RAB6B: variants seen among roughly 807,000 people sequenced by gnomAD.
RAB6B encodes the protein ras-related protein Rab-6B.
RAB6B carries 7 observed loss-of-function variants against 31.2 expected under a neutral mutation model. The observed-to-expected ratio is 0.22, with a 90% CI of 0.13 to 0.42. The LOEUF is 0.42. Ranked by LOEUF, RAB6B falls within the 10% of genes least tolerant of loss-of-function variation. The pLI is 1.00. For missense variants in RAB6B, 149 were observed against 280.6 expected, an observed-to-expected ratio of 0.53 and a Z score of 3.35; for synonymous variants, 105 against 104.9, an observed-to-expected ratio of 1.00 and a Z score of -0.01.
intron 1 of RAB6B, among the ~76,000 whole-genome samples, chr3:133,887,247 A>G (rs761387603): frequency 1.1e-4 from 17 of 152,190 alleles, no homozygotes; most frequent in Non-Finnish European, 2.1e-4. Flanking sequence ...TCCTGGAAGC[A>G]GAAGTGCAGG....
chr3:133,895,533 G>A lies in RAB6B; in HGVS notation c.-67C>T. On this transcript the variant is annotated 5_prime_UTR_variant, in exon 1 of 8. Transcript: ENST00000285208. Reference sequence around the variant, plus strand: ...GCGAAGGAGCAGGGAGGGGAGAGTAGGAGGGCGAGGGGAGGCGGCCGGCGG... The same window carrying A: ...GCGAAGGAGCAGGGAGGGGAGAGTAAGAGGGCGAGGGGAGGCGGCCGGCGG... 3 of 1,535,834 alleles carry A rather than the reference G, an allele frequency of 2.0e-6. No homozygotes were observed. Among genetic ancestry groups the A allele is most frequent in the Non-Finnish European group, 2.7e-6 (3 of 1,116,780 alleles).
chr3:133,883,234 G>T (rs1440618871), intron 1 of RAB6B, among the ~76,000 whole-genome samples: 1 of 152,230 alleles, frequency 6.6e-6, no homozygotes, highest in East Asian at 1.9e-4. Flanking sequence ...AGTGCTGGCA[G>T]CACAGAGGCA....
intron 1 of RAB6B, among the ~76,000 whole-genome samples, chr3:133,886,847 C>T (rs1936554254): frequency 6.6e-6 from 1 of 152,214 alleles, no homozygotes; most frequent in Non-Finnish European, 1.5e-5. Flanking sequence ...TAATCACATG[C>T]CATGTATAGA....
chr3:133,883,666 A>ATG (rs1453125688), intron 1 of RAB6B, among the ~76,000 whole-genome samples: 1 of 152,166 alleles, frequency 6.6e-6, no homozygotes, highest in Non-Finnish European at 1.5e-5. Context: ...GAAACAAGAA[A>ATG]TGTGTTCTAA....
At chr3:133,865,856 G>T (rs1477099100) in intron 1 of RAB6B, among the ~76,000 whole-genome samples, 1 of 152,216 alleles carries the variant, frequency 6.6e-6, no homozygotes, top group Admixed American at 6.5e-5. Flanking sequence ...AGTGCACTCA[G>T]CTCCCAGCAG....
intron 1 of RAB6B, among the ~76,000 whole-genome samples, chr3:133,894,054 C>A (rs1283361583): frequency 1.3e-5 from 2 of 152,346 alleles, no homozygotes; most frequent in Admixed American, 1.3e-4. Flanking sequence ...TATCAGCAGA[C>A]AAGAGCCAGC....
At chr3:133,842,220 C>T (rs1935846773) in intron 2 of RAB6B, among the ~76,000 whole-genome samples, 1 of 152,194 alleles carries the variant, frequency 6.6e-6, no homozygotes. Flanking sequence ...CTGGGAGGCC[C>T]CACTGGCTCT....
chr3:133,868,600 A>G (rs1936274919), intron 1 of RAB6B, among the ~76,000 whole-genome samples: 1 of 152,282 alleles, frequency 6.6e-6, no homozygotes, highest in African/African-American at 2.4e-5. Flanking sequence ...TTTATTAAAA[A>G]TAAGCAGGCA....
chr3:133,883,586 T>G (rs763291664), intron 1 of RAB6B, among the ~76,000 whole-genome samples: 5 of 152,152 alleles, frequency 3.3e-5, no homozygotes, highest in African/African-American at 4.8e-5. Context: ...TCTATGGATC[T>G]CTCTTCCCCA....
chr3:133,893,368 C>T (rs541574798), intron 1 of RAB6B, among the ~76,000 whole-genome samples: 16 of 152,328 alleles, frequency 1.1e-4, no homozygotes, highest in African/African-American at 3.6e-4. Flanking sequence ...CTCCCTGTTC[C>T]CTGGGGCTCA....
In RAB6B at chr3:133,838,304, G is replaced by C. The variant is rs988786497; in HGVS notation, c.402-45C>G. On this transcript the variant is annotated intron_variant, in intron 5 of 7. Transcript: ENST00000285208. ...GGGAAATCAGCTCAGCAGAGAAGCA[G>C]ACCCTGGCAGATATGAGGAGGGACC... 3.8e-6 allele frequency: 6 copies of C among 1,563,402 alleles called. No homozygotes were observed. The African/African-American group carries it at 5.4e-5, about 14-fold the overall frequency.
At chr3:133,842,539 T>C (rs113924363) in intron 2 of RAB6B, among the ~76,000 whole-genome samples, 2,139 of 152,350 alleles carry the variant, frequency 0.014, 50 homozygotes, top group African/African-American at 0.049. Context: ...GTGTGGTATA[T>C]CCATGTGATT....
At chr3:133,833,444 T>C (rs1436291703) in intron 7 of RAB6B, among the ~76,000 whole-genome samples, 1 of 151,488 alleles carries the variant, frequency 6.6e-6, no homozygotes, top group Non-Finnish European at 1.5e-5. Flanking sequence ...CCCCGGGGGG[T>C]GGGTCTCGAG....
chr3:133,879,328 T>G (rs2108011550), intron 1 of RAB6B, among the ~76,000 whole-genome samples: 1 of 152,356 alleles, frequency 6.6e-6, no homozygotes, highest in South Asian at 2.1e-4. Flanking sequence ...TAATTAAACA[T>G]TCTGGTCAGC....
intron 2 of RAB6B, among the ~76,000 whole-genome samples, chr3:133,842,539 T>A (rs113924363): frequency 6.6e-6 from 1 of 152,238 alleles, no homozygotes; most frequent in African/African-American, 2.4e-5. Context: ...GTGTGGTATA[T>A]CCATGTGATT....
At chr3:133,873,643 G>T (rs1159837288) in intron 1 of RAB6B, among the ~76,000 whole-genome samples, 1 of 152,170 alleles carries the variant, frequency 6.6e-6, no homozygotes, top group Non-Finnish European at 1.5e-5. Flanking sequence ...AAGGTTTACT[G>T]AGGTACAATC....
At chr3:133,873,950 T>C (rs1379601573) in intron 1 of RAB6B, among the ~76,000 whole-genome samples, 1 of 152,132 alleles carries the variant, frequency 6.6e-6, no homozygotes, top group Non-Finnish European at 1.5e-5. Context: ...GAAGAGAAAA[T>C]AGATTTACTG....
chr3:133,854,922 A>G (rs1341405660), intron 2 of RAB6B, among the ~76,000 whole-genome samples: 1 of 152,260 alleles, frequency 6.6e-6, no homozygotes, highest in African/African-American at 2.4e-5. Flanking sequence ...AAAGTCTGCA[A>G]TGGAAATCTG....
intron 2 of RAB6B, among the ~76,000 whole-genome samples, chr3:133,862,848 C>G (rs1433351332): frequency 6.6e-6 from 1 of 152,196 alleles, no homozygotes; most frequent in Non-Finnish European, 1.5e-5. Context: ...CACCAACCAA[C>G]CAAGAGTCTC....
Sources: gnomAD v4.1 joint callset for allele counts (sites outside exome capture counted in the v4.1 genomes callset) on GRCh38, gnomAD v4.1.1 for gene constraint, MANE v1.5 for transcripts, NCBI Gene and HGNC (gene_info 2026-07-23, HGNC 2026-07-21) for gene names.